Variants in SAMD15 observed in about 807,000 individuals in gnomAD.
SAMD15 encodes the protein sterile alpha motif domain-containing protein 15.
SAMD15 carries 37 observed loss-of-function variants against 50.5 expected under a neutral mutation model. The ratio of observed to expected loss-of-function variants is 0.73; its 90% CI spans 0.56 to 0.96. The LOEUF (loss-of-function observed/expected upper bound fraction) is 0.96. Among genes scored for constraint, SAMD15 ranks in the 40% least tolerant of loss-of-function variants. The pLI, the probability that SAMD15 is intolerant of heterozygous loss-of-function variation, is 0.00. For missense variants in SAMD15, 789 were observed against 783.8 expected (o/e 1.01, Z -0.08); for synonymous variants, 255 against 282.8 (o/e 0.90, Z 0.99).
intron 2 of SAMD15, among the ~76,000 whole-genome samples, chr14:77,385,919 C>G (rs1894000682): frequency 6.7e-6 from 1 of 149,212 alleles, no homozygotes; most frequent in South Asian, 2.1e-4. Flanking sequence ...GCAATCTCAG[C>G]TCAGTGCAAC....
Position 77,378,358 on chromosome 14 carries a change from GACC to G in SAMD15, c.943_945del (p.His315del). ...TGAGCGGACTAAACCAGACTTTCCA[GACC>G]ACAAGCCAAGAAAGTCTACTGATGA... On this transcript the variant is annotated inframe_deletion, in exon 1 of 3. Coordinates refer to ENST00000216471, the MANE Select transcript of SAMD15 (RefSeq NM_001010860.4). 5.0e-6 allele frequency: 8 copies of G among 1,613,078 alleles called. No homozygotes were observed. The highest frequency in any genetic ancestry group is 6.8e-6 in the Non-Finnish European group (8 of 1,179,826).
chr14:77,388,332 C>T (rs1241708706), intron 2 of SAMD15, among the ~76,000 whole-genome samples: 2 of 151,830 alleles, frequency 1.3e-5, no homozygotes, highest in Non-Finnish European at 2.9e-5. Context: ...AAACAAGGTG[C>T]ACACGTAGAA....
chr14:77,384,062 C>A (rs1445482063), intron 2 of SAMD15, among the ~76,000 whole-genome samples: 1 of 150,374 alleles, frequency 6.7e-6, no homozygotes, highest in Non-Finnish European at 1.5e-5. Flanking sequence ...CTGTAGCTGT[C>A]TTCCTTACTG....
chr14:77,377,789 C>A lies in SAMD15; in HGVS notation c.371C>A (p.Ala124Asp). The A allele has an allele frequency of 6.2e-7, 1 of 1,614,010 alleles. No homozygotes were observed. Among genetic ancestry groups the A allele is most frequent in the Non-Finnish European group, 8.5e-7 (1 of 1,179,990 alleles). ...GGAGAGTTTTTCAAAGATTTGGAGG[C>A]CCCTATGGATGAAACGCATAAAGAG... is the stretch of plus-strand genomic sequence containing the variant. ...EMGEFFKDLE[A>D]PMDETHKESD... The change falls in exon 1 of 3, where the codon GCC becomes GAC. Residue 124 changes from alanine (A) to aspartate (D), a missense_variant. Physicochemically the swap from Ala to Asp is moderately radical, Grantham distance 126. Around this residue, in one of 2 missense-constraint regions of SAMD15, gnomAD observed 770 missense variants for 745.4 expected, o/e 1.03. Coordinates refer to ENST00000216471, the MANE Select transcript of SAMD15 (RefSeq NM_001010860.4).
chr14:77,377,526 AC>A lies in SAMD15; in HGVS notation c.110del (p.Pro37GlnfsTer41), dbSNP rs776322644. The A allele has an allele frequency of 1.6e-5, 26 of 1,614,216 alleles. 1 individual carries two copies. In the South Asian group the frequency reaches 2.7e-4, roughly 17 times the overall value. On this transcript the variant is annotated frameshift_variant, in exon 1 of 3. Coordinates refer to ENST00000216471, the MANE Select transcript of SAMD15 (RefSeq NM_001010860.4). LOFTEE classifies it high-confidence loss of function. The stretch of plus-strand genomic sequence containing the variant: ...TTCATAAATTGTATGAAAATGCCGA[AC>A]CAGACACCATGGCAAAGGCAGACTC... ...GLHKLYENAE[P>X]DTMAKADSKL...
At position 77,377,701 on chromosome 14, in the gene SAMD15, GT is replaced by G. The variant is rs1566699005; in HGVS notation, c.284del (p.Val95AspfsTer13). 1 of 1,614,176 alleles carries G rather than the reference GT, an allele frequency of 6.2e-7. No individual in the cohort carries two copies. The highest frequency in any genetic ancestry group is 8.5e-7 in the Non-Finnish European group (1 of 1,180,034). The part of the protein sequence containing the change: ...EGIAKESKRD[V>X]PSETEPGIHQ... ...AATTGCCAAGGAGTCCAAGAGAGACGTACCAAGCGAAACTGAACCAGGGATA... is the reference window on the plus strand; with the variant it reads ...AATTGCCAAGGAGTCCAAGAGAGACGACCAAGCGAAACTGAACCAGGGATA... On this transcript the variant is annotated frameshift_variant, in exon 1 of 3. Transcript: ENST00000216471. LOFTEE classifies it high-confidence loss of function.
intron 2 of SAMD15, among the ~76,000 whole-genome samples, chr14:77,389,312 T>A (rs1002320446): frequency 6.0e-5 from 9 of 149,642 alleles, no homozygotes; most frequent in Non-Finnish European, 1.2e-4. Flanking sequence ...TACAGTCTTA[T>A]AACTCTGACC....
Position 77,377,666 on chromosome 14 carries a change from C to T in SAMD15, c.248C>T (p.Ser83Phe), listed in dbSNP as rs1051361952. The T allele has an allele frequency of 6.2e-7, 1 of 1,614,122 alleles. No homozygotes were observed. The highest frequency in any genetic ancestry group is 1.3e-5 in the African/African-American group (1 of 75,026). The change falls in exon 1 of 3, where the codon TCC (serine) becomes TTC (phenylalanine). Residue 83 changes from serine (S) to phenylalanine (F), a missense_variant. By Grantham distance (155) the Ser-to-Phe change is radical. This residue lies in a region of SAMD15 where 770 missense variants were observed against 745.4 expected (regional missense o/e 1.03). Transcript: ENST00000216471. ...GTGCAGCTGAAACCTGGCGGGACGT[C>T]CCAGGAAGGAATTGCCAAGGAGTCC... ...KNVQLKPGGT[S>F]QEGIAKESKR...
At position 77,377,853 on chromosome 14, in the gene SAMD15, TAC is replaced by T; in HGVS notation, c.437_438del (p.Thr146ArgfsTer24). The T allele has an allele frequency of 1.2e-6, 2 of 1,614,006 alleles. No homozygotes were observed. The highest frequency in any genetic ancestry group is 1.7e-6 in the Non-Finnish European group (2 of 1,179,974). On this transcript the variant is annotated frameshift_variant, in exon 1 of 3. Transcript: ENST00000216471. LOFTEE classifies it high-confidence loss of function. ...CACCAGAGGAGGCTAAACCAAATGTTACAGAGGATGTGTTCCTAGAGTCAGCT... is the reference window on the plus strand; with the variant it reads ...CACCAGAGGAGGCTAAACCAAATGTTAGAGGATGTGTTCCTAGAGTCAGCT... ...EPPEEAKPNV[T>X]EDVFLESAME...
At position 77,391,029 on chromosome 14, in the gene SAMD15, G is replaced by C. The variant is rs751928457; in HGVS notation, c.1810G>C (p.Glu604Gln). 4.5e-5 allele frequency: 72 copies of C among 1,612,246 alleles called. No individual in the cohort carries two copies. The highest frequency in any genetic ancestry group is 5.6e-5 in the Non-Finnish European group (66 of 1,179,206). ...DMKAISRHTQELLEIEEPLFK... is the reference protein window; with the variant it reads ...DMKAISRHTQQLLEIEEPLFK... Reference sequence around the variant, plus strand: ...TCAGGCAATTTCTCGGCATACGCAGGAGCTCCTGGAAATTGAAGAGCCATT... The same window carrying C: ...TCAGGCAATTTCTCGGCATACGCAGCAGCTCCTGGAAATTGAAGAGCCATT... Residue 604 changes from glutamate (E) to glutamine (Q), a missense_variant, in exon 3 of 3, where the codon GAG becomes CAG. Physicochemically the swap from Glu to Gln is conservative, Grantham distance 29 (BLOSUM62 2). This residue lies in a region of SAMD15 where 770 missense variants were observed against 745.4 expected (regional missense o/e 1.03). Transcript: ENST00000216471.
At chr14:77,388,382 CGT>C (rs376913427) in intron 2 of SAMD15, among the ~76,000 whole-genome samples, 28,091 of 132,778 alleles carry the variant, frequency 0.21, 2,694 homozygotes, top group Admixed American at 0.27. Flanking sequence ...GCCACCTGTT[CGT>C]GTGTGTGTGT....
chr14:77,379,107 G>T lies in SAMD15; in HGVS notation c.1689G>T (p.Lys563Asn). ...GCCAGCTAGGCTTCCCTCAATACAA[G>T]GTATACAAAAATAAGATGTTTTGAA... ...WISQLGFPQY[K>N]ECFITNFISG... is the part of the protein sequence containing the mutation. Residue 563 changes from lysine (K) to asparagine (N), a missense_variant and splice_region_variant, in exon 1 of 3, where the codon AAG becomes AAT. Coordinates refer to ENST00000216471, the MANE Select transcript of SAMD15 (RefSeq NM_001010860.4). 1.2e-6 allele frequency: 2 copies of T among 1,606,942 alleles called. No individual in the cohort carries two copies. Among genetic ancestry groups the T allele is most frequent in the Non-Finnish European group, 1.7e-6 (2 of 1,177,184 alleles).
chr14:77,379,807 A>G (rs1566700228), intron 1 of SAMD15, among the ~76,000 whole-genome samples: 2 of 152,184 alleles, frequency 1.3e-5, no homozygotes, highest in African/African-American at 2.4e-5. Flanking sequence ...TTGTGCTATT[A>G]CTTTTTAAAG....
intron 2 of SAMD15, among the ~76,000 whole-genome samples, chr14:77,385,390 A>G (rs894289021): frequency 6.6e-6 from 1 of 151,456 alleles, no homozygotes; most frequent in African/African-American, 2.4e-5. Context: ...GGTTCAAGCA[A>G]TTCTTCCGCC....
Position 77,391,218 on chromosome 14 carries a change from G to A in SAMD15, c.1999G>A (p.Glu667Lys). 6.2e-7 allele frequency: 1 copy of A among 1,612,302 alleles called. No individual in the cohort carries two copies. Among genetic ancestry groups the A allele is most frequent in the Non-Finnish European group, 8.5e-7 (1 of 1,178,344 alleles). Residue 667 changes from glutamate to lysine, a missense_variant, in exon 3 of 3, where the codon GAG (glutamate) becomes AAG (lysine). Glu to Lys is a moderately conservative substitution (Grantham distance 56, BLOSUM62 1). Transcript: ENST00000216471. ...AGAAATAACTGCCCCTGAAGAGAATGAGGAATTACCTTGCACTGAACCATA... is the reference window on the plus strand; with the variant it reads ...AGAAATAACTGCCCCTGAAGAGAATAAGGAATTACCTTGCACTGAACCATA... ...APEITAPEEN[E>K]ELPCTEP
intron 2 of SAMD15, among the ~76,000 whole-genome samples, chr14:77,385,734 A>C (rs1893997431): frequency 6.6e-6 from 1 of 152,112 alleles, no homozygotes; most frequent in South Asian, 2.1e-4. Flanking sequence ...CTGTTTTCTT[A>C]AAGTTACAGG....
intron 2 of SAMD15, among the ~76,000 whole-genome samples, chr14:77,385,108 G>A (rs1893989544): frequency 6.6e-6 from 1 of 151,732 alleles, no homozygotes; most frequent in South Asian, 2.1e-4. Flanking sequence ...CCTTGAACCT[G>A]GAAGGCAGAG....
chr14:77,377,427 A>C lies in SAMD15; in HGVS notation c.9A>C (p.Glu3Asp). MA[E>D]VPEDYDSGPD... is the part of the protein sequence containing the mutation. ...CGTCTGCTAAGCTGCAAATGGCTGA[A>C]GTCCCGGAGGATTATGATTCCGGCC... Residue 3 changes from glutamate (E) to aspartate (D), a missense_variant, in exon 1 of 3, where the codon GAA becomes GAC. Transcript: ENST00000216471. 1 of 1,604,168 alleles carries C rather than the reference A, an allele frequency of 6.2e-7. No individual in the cohort carries two copies. Among genetic ancestry groups the C allele is most frequent in the Admixed American group, 1.7e-5 (1 of 57,796 alleles).
At position 77,378,270 on chromosome 14, in the gene SAMD15, T is replaced by C; in HGVS notation, c.852T>C (p.Thr284=). 6.2e-7 allele frequency: 1 copy of C among 1,613,308 alleles called. No homozygotes were observed. Among genetic ancestry groups the C allele is most frequent in the Non-Finnish European group, 8.5e-7 (1 of 1,179,838 alleles). ...CAGGTCTAGAGCCTCCAGAAGAGAC[T>C]CAACCAGAGGTTCCAGAGGAGATGC... ...EEAGLEPPEE[T]QPEVPEEMQR... Residue 284 remains threonine (T), a synonymous_variant, in exon 1 of 3, where the codon ACT becomes ACC. Coordinates refer to ENST00000216471, the MANE Select transcript of SAMD15 (RefSeq NM_001010860.4).
Sources: allele counts gnomAD v4.1 joint callset (sites outside exome capture counted in the v4.1 genomes callset), GRCh38; gene constraint gnomAD v4.1.1; regional missense constraint gnomAD v4.1.1; transcripts MANE v1.5; gene names NCBI Gene and HGNC (gene_info 2026-07-23, HGNC 2026-07-21).